Variants in NCAM2 observed in about 807,000 individuals in gnomAD.
NCAM2 encodes N-CAM-2.
In NCAM2, 30 loss-of-function variants were observed where a neutral mutation model predicts 98.1. The ratio of observed to expected loss-of-function variants is 0.31; its 90% CI spans 0.23 to 0.41. The LOEUF (loss-of-function observed/expected upper bound fraction) is 0.41, where lower values mean the gene tolerates loss of function less well. Among genes scored for constraint, NCAM2 ranks in the 10% least tolerant of loss-of-function variants. The pLI, the probability that NCAM2 is intolerant of heterozygous loss-of-function variation, is 1.00. For synonymous variants in NCAM2, 368 were observed against 342.4 expected (o/e 1.07, Z -0.83); for missense variants, 867 against 1,005.8 (o/e 0.86, Z 1.87).
intron 1 of NCAM2, among the ~76,000 whole-genome samples, chr21:21,207,461 G>T (rs139698311): frequency 5.9e-4 from 90 of 152,242 alleles, no homozygotes; most frequent in African/African-American, 2.1e-3. Context: ...GTCATGCCAA[G>T]CAAGGATTCA....
intron 15 of NCAM2, among the ~76,000 whole-genome samples, chr21:21,503,647 C>T (rs1396946004): frequency 2.6e-5 from 4 of 151,882 alleles, no homozygotes; most frequent in African/African-American, 4.8e-5. Context: ...GTATATAAGA[C>T]ATTTGAATGA....
chr21:21,101,926 T>TTTTGGATATGTG (rs1280395142), intron 1 of NCAM2, among the ~76,000 whole-genome samples: 14 of 152,216 alleles, frequency 9.2e-5, no homozygotes, highest in East Asian at 7.7e-4. Context: ...GCTCTCACTG[T>TTTTGGATATGTG]CTTTGGATAT....
chr21:21,509,790 G>A (rs1194605271), intron 16 of NCAM2, among the ~76,000 whole-genome samples: 2 of 152,064 alleles, frequency 1.3e-5, no homozygotes, highest in Admixed American at 6.6e-5. Flanking sequence ...AATTTCAAAA[G>A]TAGAATATGA....
chr21:21,204,521 C>T (rs1162366680), intron 1 of NCAM2, among the ~76,000 whole-genome samples: 1 of 151,958 alleles, frequency 6.6e-6, no homozygotes, highest in Non-Finnish European at 1.5e-5. Context: ...ACTTGTTATG[C>T]TTTTTAAGGC....
chr21:21,085,834 T>G (rs970600067), intron 1 of NCAM2, among the ~76,000 whole-genome samples: 8 of 152,204 alleles, frequency 5.3e-5, no homozygotes, highest in African/African-American at 1.9e-4. Flanking sequence ...AAAATTTTGT[T>G]ATTTCAAAAA....
chr21:21,248,776 C>CAAAAAAAAAAAAAA (rs1171857115), intron 1 of NCAM2, among the ~76,000 whole-genome samples: 1 of 50,654 alleles, frequency 2.0e-5, no homozygotes, highest in African/African-American at 8.3e-5. Context: ...GACTCTGTCT[C>CAAAAAAAAAAAAAA]AAAAAAAAAA....
chr21:21,397,691 T>G (rs1030970998), intron 9 of NCAM2, among the ~76,000 whole-genome samples: 3 of 152,226 alleles, frequency 2.0e-5, no homozygotes, highest in Admixed American at 2.0e-4. Context: ...CGGCTGCACA[T>G]GCACCAGGGA....
At chr21:21,146,041 G>GT (rs1042407863) in intron 1 of NCAM2, among the ~76,000 whole-genome samples, 3 of 152,164 alleles carry the variant, frequency 2.0e-5, no homozygotes, top group African/African-American at 4.8e-5. Flanking sequence ...AGAGAAACAC[G>GT]TTTTTTGACA....
At chr21:21,496,512 G>T (rs1485510636) in intron 15 of NCAM2, among the ~76,000 whole-genome samples, 1 of 152,014 alleles carries the variant, frequency 6.6e-6, no homozygotes, top group African/African-American at 2.4e-5. Flanking sequence ...CTGGATAATA[G>T]ACCTTTGTAG....
intron 1 of NCAM2, among the ~76,000 whole-genome samples, chr21:21,195,895 T>C (rs930789586): frequency 3.3e-5 from 5 of 152,194 alleles, no homozygotes; most frequent in African/African-American, 1.2e-4. Context: ...TAAAACTGTG[T>C]GATCTACATT....
intron 10 of NCAM2, among the ~76,000 whole-genome samples, chr21:21,412,953 G>A (rs1263093717): frequency 6.6e-6 from 1 of 151,972 alleles, no homozygotes; most frequent in Non-Finnish European, 1.5e-5. Flanking sequence ...AGGAAATATA[G>A]GAAAAGTTTA....
chr21:21,142,195 C>T (rs1426472900), intron 1 of NCAM2, among the ~76,000 whole-genome samples: 5 of 152,034 alleles, frequency 3.3e-5, no homozygotes, highest in African/African-American at 1.2e-4. Flanking sequence ...ATACTATAAA[C>T]ATTTGTGACT....
intron 1 of NCAM2, among the ~76,000 whole-genome samples, chr21:21,033,570 C>CA (rs1601154948): frequency 1.3e-5 from 2 of 151,902 alleles, no homozygotes; most frequent in African/African-American, 4.8e-5. Flanking sequence ...ACCTCCCCCC[C>CA]AAAACAATGG....
intron 6 of NCAM2, among the ~76,000 whole-genome samples, chr21:21,334,854 G>GA (rs147963541): frequency 0.046 from 6,908 of 151,376 alleles, 287 homozygotes; most frequent in East Asian, 0.18. Flanking sequence ...TTTCAGTAGA[G>GA]AAAAAAAACC....
intron 12 of NCAM2, among the ~76,000 whole-genome samples, chr21:21,446,015 A>C (rs1022034439): frequency 6.6e-6 from 1 of 152,130 alleles, no homozygotes; most frequent in South Asian, 2.1e-4. Flanking sequence ...GAGCTTTTGC[A>C]GGGCAGGCCT....
chr21:21,017,029 T>C (rs2064323560), intron 1 of NCAM2, among the ~76,000 whole-genome samples: 1 of 152,334 alleles, frequency 6.6e-6, no homozygotes, highest in Admixed American at 6.5e-5. Context: ...TTTTTATTGT[T>C]TTTACATTCT....
At position 21,428,498 on chromosome 21, in the gene NCAM2, A is replaced by G. The variant is rs532126260; in HGVS notation, c.1481-3610A>G. Among the ~76,000 whole-genome samples the G allele has an allele frequency of 9.8e-5, 15 of 152,306 alleles. No individual in the cohort carries two copies. In the South Asian group the frequency reaches 3.1e-3, roughly 32 times the overall value. On this transcript the variant is annotated intron_variant, in intron 11 of 17. Transcript: ENST00000400546. ...GTGATCAGAGTGGTTCTTTACAAAG[A>G]TTGATTTTGCATTTGCATGCCTCGT...
intron 1 of NCAM2, among the ~76,000 whole-genome samples, chr21:21,184,238 AGTTTCTATAAGGACATG>A (rs1401818311): frequency 2.0e-5 from 3 of 152,016 alleles, no homozygotes; most frequent in Admixed American, 1.3e-4. Flanking sequence ...CCAGGGAATT[AGTTTCTATAAGGACATG>A]GGAAATGCTA....
At chr21:21,530,178 A>T (rs1021303894) in intron 16 of NCAM2, among the ~76,000 whole-genome samples, 4 of 134,486 alleles carry the variant, frequency 3.0e-5, no homozygotes, top group African/African-American at 1.1e-4. Flanking sequence ...ATTTAATTAT[A>T]TATGATTTAA....
Sources: allele counts gnomAD v4.1 joint callset (sites outside exome capture counted in the v4.1 genomes callset), GRCh38; gene constraint gnomAD v4.1.1; transcripts MANE v1.5; gene names NCBI Gene and HGNC (gene_info 2026-07-23, HGNC 2026-07-21).